CNIH4: variants seen among roughly 807,000 people sequenced by gnomAD.
CNIH4 encodes protein cornichon homolog 4.
In CNIH4, 9 loss-of-function variants were observed where a neutral mutation model predicts 21.5. The ratio of observed to expected loss-of-function variants is 0.42; its 90% CI spans 0.25 to 0.73. CNIH4 has a LOEUF of 0.73. Ranked by LOEUF, CNIH4 falls within the 30% of genes least tolerant of loss-of-function variation. The probability of loss-of-function intolerance (pLI) is 0.27; values close to 1 mark genes in which losing one functional copy is unlikely to be tolerated. For synonymous variants in CNIH4, 67 were observed against 59.1 expected (o/e 1.13, Z -0.61); for missense variants, 159 against 170.0 (o/e 0.94, Z 0.36).
In CNIH4 at chr1:224,360,160, C is replaced by T. The variant is rs539755935; in HGVS notation, c.70-335C>T. On this transcript the variant is annotated intron_variant, in intron 1 of 4. Coordinates refer to ENST00000465271, the MANE Select transcript of CNIH4 (RefSeq NM_014184.4). Reference sequence around the variant, plus strand: ...ATGTTGCCTATGCTGATCTTGAACTCCTGCTTCAGGCGATCCTCCTGCCTC... The same window carrying T: ...ATGTTGCCTATGCTGATCTTGAACTTCTGCTTCAGGCGATCCTCCTGCCTC... Among the ~76,000 whole-genome samples the T allele has an allele frequency of 3.3e-5, 5 of 151,948 alleles. No homozygotes were observed. The East Asian group carries it at 9.7e-4, about 29-fold the overall frequency.
intron 4 of CNIH4, among the ~76,000 whole-genome samples, chr1:224,374,098 G>A (rs1430354554): frequency 1.3e-5 from 2 of 152,142 alleles, no homozygotes; most frequent in Non-Finnish European, 2.9e-5. Context: ...GTCAGAAGAT[G>A]TCCTTGTAGC....
intron 1 of CNIH4, among the ~76,000 whole-genome samples, chr1:224,359,181 A>G (rs1672201133): frequency 6.6e-6 from 1 of 152,172 alleles, no homozygotes; most frequent in South Asian, 2.1e-4. Context: ...GAGGGCTTGA[A>G]TGTTAAGGGT....
intron 2 of CNIH4, 90 bp from the exon 3 acceptor site, chr1:224,365,789 C>T (rs1342639730): frequency 1.7e-5 from 14 of 837,520 alleles, no homozygotes; most frequent in Non-Finnish European, 2.7e-5. Flanking sequence ...CTTGTAAATT[C>T]TCTGTACGTT....
chr1:224,358,476 T>G (rs1246273444), intron 1 of CNIH4, among the ~76,000 whole-genome samples: 9 of 152,256 alleles, frequency 5.9e-5, no homozygotes, highest in Non-Finnish European at 1.2e-4. Flanking sequence ...TAGAGCAAGC[T>G]TGTCCAACCC....
rs1418283035 is a variant in CNIH4 at position 224,377,799 on chromosome 1, A to G, written c.*1977A>G. 6.6e-6 allele frequency: 1 copy of G among 152,082 alleles called. No individual in the cohort carries two copies. The highest frequency in any genetic ancestry group is 2.4e-5 in the African/African-American group (1 of 41,420). The allele number at this position is 152,082 out of a possible 1,614,324, so 9.4% of individuals were successfully genotyped here. A position where few individuals can be genotyped will look rare whatever the true frequency, so the allele number is the denominator to read the frequency against. On this transcript the variant is annotated 3_prime_UTR_variant, in exon 5 of 5. Coordinates refer to ENST00000465271, the MANE Select transcript of CNIH4 (RefSeq NM_014184.4). ...CTGGCCATGTAGATGACTTTTGACC[A>G]AAATGTTTCACCTTCTCATTCAGAT...
chr1:224,373,545 AG>A (rs1672694227), intron 4 of CNIH4, among the ~76,000 whole-genome samples: 1 of 151,772 alleles, frequency 6.6e-6, no homozygotes, highest in Non-Finnish European at 1.5e-5. Context: ...AGTGGTGGGG[AG>A]TGGCTGGGCT....
chr1:224,366,337 A>G (rs1672452376), intron 3 of CNIH4, among the ~76,000 whole-genome samples: 2 of 147,520 alleles, frequency 1.4e-5, no homozygotes, highest in Non-Finnish European at 3.0e-5. Context: ...TGAGCCAAAA[A>G]AGGTGTTTAA....
rs936885361 is a variant in CNIH4, at chr1:224,356,914, G to C, written c.-11G>C. The C allele has an allele frequency of 3.7e-6, 6 of 1,601,866 alleles. No individual in the cohort carries two copies. The African/African-American group carries it at 6.7e-5, about 18-fold the overall frequency. On this transcript the variant is annotated 5_prime_UTR_variant, in exon 1 of 5. Coordinates refer to ENST00000465271, the MANE Select transcript of CNIH4 (RefSeq NM_014184.4). ...GTTTGACGGAAGGAGCGGCGGCGAC[G>C]GAGGAGGAGGATGGAGGCGGTGGTG... is the stretch of plus-strand genomic sequence containing the variant.
At chr1:224,360,833 G>T (rs1474841903) in intron 2 of CNIH4, among the ~76,000 whole-genome samples, 5 of 152,134 alleles carry the variant, frequency 3.3e-5, no homozygotes, top group Non-Finnish European at 5.9e-5. Context: ...TGTTCATCAT[G>T]AGGGTAATTG....
At chr1:224,356,851 C>T, upstream of CNIH4, 1 of 1,305,390 alleles carries the variant, frequency 7.7e-7, no homozygotes, top group Non-Finnish European at 1.1e-6. Context: ...CCAGCCCCGG[C>T]AAGGGCCTAT....
At chr1:224,361,792 C>T (rs1426880058) in intron 2 of CNIH4, among the ~76,000 whole-genome samples, 3 of 151,896 alleles carry the variant, frequency 2.0e-5, no homozygotes, top group Non-Finnish European at 4.4e-5. Flanking sequence ...ACTATGTTGC[C>T]CAGGCTGGTC....
chr1:224,368,271 G>A (rs1348250989), intron 3 of CNIH4, among the ~76,000 whole-genome samples: 1 of 152,200 alleles, frequency 6.6e-6, no homozygotes, highest in Non-Finnish European at 1.5e-5. Context: ...GGCGGAGGTT[G>A]CAGTGAGCCG....
intron 2 of CNIH4, among the ~76,000 whole-genome samples, chr1:224,360,944 G>A (rs1672269664): frequency 1.3e-5 from 2 of 151,928 alleles, no homozygotes; most frequent in Admixed American, 1.3e-4. Flanking sequence ...GTAGTTTACC[G>A]AGAAAATAAT....
At chr1:224,370,959 C>G (rs1051091882) in intron 3 of CNIH4, among the ~76,000 whole-genome samples, 6 of 151,556 alleles carry the variant, frequency 4.0e-5, no homozygotes, top group Admixed American at 3.9e-4. Context: ...TCACTGCAAC[C>G]TCTGCCTTCC....
At chr1:224,359,263 A>T (rs754235444) in intron 1 of CNIH4, among the ~76,000 whole-genome samples, 27 of 152,192 alleles carry the variant, frequency 1.8e-4, no homozygotes, top group Non-Finnish European at 3.4e-4. Context: ...TCGGTAGTTT[A>T]TTAGGAAGAT....
rs138189517 is a variant in CNIH4, at chr1:224,362,634, C to T, written c.138+2071C>T. Among the ~76,000 whole-genome samples the T allele has an allele frequency of 6.7e-3, 1,010 of 151,708 alleles. 9 individuals carry two copies. The highest frequency in any genetic ancestry group is 0.023 in the African/African-American group (946 of 41,340). On this transcript the variant is annotated intron_variant, in intron 2 of 4. Coordinates refer to ENST00000465271, the MANE Select transcript of CNIH4 (RefSeq NM_014184.4). ...CCTCCCGAGTAGCTGGGACTACAGG[C>T]GCCTGCCACCATGCCTGGCTAATTT...
chr1:224,363,054 T>A (rs902461777), intron 2 of CNIH4, among the ~76,000 whole-genome samples: 1 of 152,156 alleles, frequency 6.6e-6, no homozygotes, highest in Non-Finnish European at 1.5e-5. Flanking sequence ...TCTTTTTTCT[T>A]TCTTTTTGAG....
In CNIH4 at chr1:224,362,686, G is replaced by A. The variant is rs1038906239; in HGVS notation, c.138+2123G>A. On this transcript the variant is annotated intron_variant, in intron 2 of 4. Coordinates refer to ENST00000465271, the MANE Select transcript of CNIH4 (RefSeq NM_014184.4). ...GTTTTTGTATTTTTAATAGAGACAGGGTTTCACCATGTTAGCCAGGATGGT... is the reference window on the plus strand; with the variant it reads ...GTTTTTGTATTTTTAATAGAGACAGAGTTTCACCATGTTAGCCAGGATGGT... Among the ~76,000 whole-genome samples, 19 of 151,554 alleles carry A rather than the reference G, an allele frequency of 1.3e-4. 1 individual carries two copies. The highest frequency in any genetic ancestry group is 1.2e-3 in the Admixed American group (18 of 15,226).
intron 2 of CNIH4, among the ~76,000 whole-genome samples, chr1:224,365,399 G>A (rs1336604045): frequency 6.6e-6 from 1 of 152,190 alleles, no homozygotes. Context: ...AGCTATTATT[G>A]TAAGCTTTTA....
Sources: gnomAD v4.1 joint callset for allele counts (sites outside exome capture counted in the v4.1 genomes callset) on GRCh38, gnomAD v4.1.1 for gene constraint, MANE v1.5 for transcripts, NCBI Gene and HGNC (gene_info 2026-07-23, HGNC 2026-07-21) for gene names.